DAB2IP: variants seen among roughly 807,000 people sequenced by gnomAD.
DAB2IP encodes DAB2 interacting protein.
Under a neutral mutation model 107.2 loss-of-function variants are expected in DAB2IP, and 28 were observed. That is an observed-to-expected ratio of 0.26 (90% CI 0.19 to 0.36). The LOEUF (loss-of-function observed/expected upper bound fraction) is 0.36, where lower values mean the gene tolerates loss of function less well. DAB2IP is among the 10% of genes least tolerant of loss of function. DAB2IP has a pLI of 1.00. For synonymous variants in DAB2IP, 755 were observed against 706.4 expected (o/e 1.07, Z -1.09); for missense variants, 1,400 against 1,644.7 (o/e 0.85, Z 2.57).
In DAB2IP at chr9:121,772,931, G is replaced by A; in HGVS notation, c.2403G>A (p.Arg801=). 6.4e-7 allele frequency: 1 copy of A among 1,559,284 alleles called. No individual in the cohort carries two copies. Among genetic ancestry groups the A allele is most frequent in the East Asian group, 2.3e-5 (1 of 44,396 alleles). The change falls in exon 12 of 16, where the codon CGG becomes CGA. Residue 801 remains arginine (R), a synonymous_variant. Transcript: ENST00000408936. The surrounding 1 kb of genome is among the most constrained non-coding windows in gnomAD (Gnocchi z 4.7). The stretch of plus-strand genomic sequence containing the variant: ...ACCTGGCAGGGCTGGCCACGGTGCG[G>A]CGGGCAGGCCAGACACCAACCACAC...
At chr9:121,642,029 C>CTCTCTTTCTTTCCT (rs1392950950) in intron 1 of DAB2IP, among the ~76,000 whole-genome samples, 1 of 26,720 alleles carries the variant, frequency 3.7e-5, no homozygotes, top group African/African-American at 1.3e-4. Flanking sequence ...CTCTCTCTCT[C>CTCTCTTTCTTTCCT]TCTTTCTTTC....
At chr9:121,785,296 C>T (rs929016429) in exon 16 of DAB2IP, 16 of 152,694 alleles carry the variant, frequency 1.0e-4, no homozygotes, top group African/African-American at 3.9e-4. Context: ...TCTACACACT[C>T]AGCCACAAAG....
At chr9:121,641,892 CCTTTCTTTCTTT>C (rs71370681) in intron 1 of DAB2IP, among the ~76,000 whole-genome samples, 1,991 of 89,246 alleles carry the variant, frequency 0.022, 33 homozygotes, top group African/African-American at 0.049. Flanking sequence ...CATTTCTTTC[CCTTTCTTTCTTT>C]CTTTCTTTCT....
chr9:121,781,651 ACT>A (rs1835661422), intron 15 of DAB2IP, 100 bp downstream of exon 15: 4 of 1,210,850 alleles, frequency 3.3e-6, no homozygotes, highest in Non-Finnish European at 4.8e-6. Context: ...CACTGCAGAC[ACT>A]GAGGGGAATA....
exon 8 of DAB2IP, chr9:121,763,805 T>C (rs1365687430): frequency 6.2e-7 from 1 of 1,614,146 alleles, no homozygotes; most frequent in Non-Finnish European, 8.5e-7. Context: ...GCTCGGCCGC[T>C]GACCTCCCAG....
intron 1 of DAB2IP, among the ~76,000 whole-genome samples, chr9:121,655,231 G>A (rs1213896663): frequency 1.3e-5 from 2 of 152,124 alleles, no homozygotes; most frequent in Non-Finnish European, 2.9e-5. Flanking sequence ...TGAAGGCTGG[G>A]CATGTCCCAT....
chr9:121,769,458 C>G (rs570888654), intron 10 of DAB2IP, among the ~76,000 whole-genome samples: 1 of 152,328 alleles, frequency 6.6e-6, no homozygotes, highest in African/African-American at 2.4e-5. Context: ...GCATTTCTTA[C>G]CACTGTGTTG....
At chr9:121,608,882 C>T (rs191624754) in intron 1 of DAB2IP, among the ~76,000 whole-genome samples, 17 of 152,354 alleles carry the variant, frequency 1.1e-4, no homozygotes, top group African/African-American at 4.1e-4. Flanking sequence ...GAGGAGCCCC[C>T]TCTGGGGCAA....
At chr9:121,783,307 T>C in exon 16 of DAB2IP, 1 of 1,408,794 alleles carries the variant, frequency 7.1e-7, no homozygotes, top group Non-Finnish European at 9.2e-7. Context: ...GCTCTAGGGC[T>C]CCCAGAAGCC....
At chr9:121,580,768 G>A (rs1830177531) in intron 1 of DAB2IP, among the ~76,000 whole-genome samples, 2 of 152,130 alleles carry the variant, frequency 1.3e-5, no homozygotes, top group South Asian at 2.1e-4. Context: ...GGGACTACAG[G>A]CGCCAACCAC....
chr9:121,730,189 G>A (rs532149185), intron 3 of DAB2IP, among the ~76,000 whole-genome samples: 4 of 152,314 alleles, frequency 2.6e-5, no homozygotes, highest in East Asian at 3.9e-4. Flanking sequence ...TCAAAAATAA[G>A]CAACAGTAAG....
At chr9:121,746,281 G>A (rs562370462) in intron 3 of DAB2IP, among the ~76,000 whole-genome samples, 24 of 152,346 alleles carry the variant, frequency 1.6e-4, no homozygotes, top group African/African-American at 5.5e-4. Context: ...CTGAGGCTGT[G>A]TATGGAGAGC....
intron 3 of DAB2IP, among the ~76,000 whole-genome samples, chr9:121,700,115 C>T (rs999328750): frequency 1.3e-5 from 2 of 152,192 alleles, no homozygotes; most frequent in Non-Finnish European, 1.5e-5. Context: ...TGCTTCTCTC[C>T]TTCCCTCACC....
chr9:121,732,934 G>A (rs111485947), intron 3 of DAB2IP, among the ~76,000 whole-genome samples: 4,031 of 152,286 alleles, frequency 0.026, 199 homozygotes, highest in African/African-American at 0.092. Flanking sequence ...GCTGTTTGTT[G>A]GTGATGATAA....
exon 16 of DAB2IP, chr9:121,784,553 G>A (rs539147474): frequency 6.5e-6 from 1 of 154,884 alleles, no homozygotes; most frequent in South Asian, 2.0e-4. Context: ...CTGTAAAAGT[G>A]TACAGACTCT....
intron 1 of DAB2IP, among the ~76,000 whole-genome samples, chr9:121,604,728 T>C (rs1409355524): frequency 6.6e-6 from 1 of 152,224 alleles, no homozygotes; most frequent in Non-Finnish European, 1.5e-5. Context: ...TGCCCTGCTT[T>C]GCCTGTCGTT....
chr9:121,755,513 A>G (rs1833417601), intron 3 of DAB2IP, among the ~76,000 whole-genome samples: 1 of 152,072 alleles, frequency 6.6e-6, no homozygotes, highest in African/African-American at 2.4e-5. Context: ...GAGCCGGTTG[A>G]CTGGGGCTCC....
intron 1 of DAB2IP, chr9:121,574,995 G>C (rs1830024180): frequency 6.6e-6 from 1 of 152,614 alleles, no homozygotes; most frequent in Non-Finnish European, 1.5e-5. Context: ...CTCATAACAA[G>C]GTCAGGGGCT....
At chr9:121,773,032 T>C in exon 12 of DAB2IP, 1 of 1,612,240 alleles carries the variant, frequency 6.2e-7, no homozygotes, top group Non-Finnish European at 8.5e-7. Flanking sequence ...GTGTACCAGA[T>C]GGCGGCTGGC....
Sources: allele counts gnomAD v4.1 joint callset (sites outside exome capture counted in the v4.1 genomes callset), GRCh38; gene constraint gnomAD v4.1.1; non-coding constraint Gnocchi (gnomAD v3.1); transcripts MANE v1.5; gene names NCBI Gene and HGNC (gene_info 2026-07-23, HGNC 2026-07-21).